Variants in RYR2 observed in about 807,000 individuals in gnomAD.
The protein encoded by RYR2 is cardiac muscle ryanodine receptor-calcium release channel.
Under a neutral mutation model 601.1 loss-of-function variants are expected in RYR2, and 227 were observed. The ratio of observed to expected loss-of-function variants is 0.38; its 90% CI spans 0.34 to 0.42. The LOEUF (loss-of-function observed/expected upper bound fraction) is 0.42, where lower values mean the gene tolerates loss of function less well. Ranked by LOEUF, RYR2 falls within the 10% of genes least tolerant of loss-of-function variation. The probability of loss-of-function intolerance (pLI) is 1.00; values close to 1 mark genes in which losing one functional copy is unlikely to be tolerated. For synonymous variants in RYR2, 2,223 were observed against 2,175.1 expected (o/e 1.02, Z -0.61); for missense variants, 4,646 against 6,156.5 (o/e 0.75, Z 8.21).
chr1:237,150,231 G>A (rs1006209441), intron 1 of RYR2, among the ~76,000 whole-genome samples: 8 of 152,188 alleles, frequency 5.3e-5, no homozygotes, highest in African/African-American at 9.7e-5. Context: ...TCTGACTTCA[G>A]AGGTCACAGT....
Position 237,772,030 on chromosome 1 carries a change from G to A in RYR2, c.11576G>A (p.Arg3859Lys). 1 of 1,538,280 alleles carries A rather than the reference G, an allele frequency of 6.5e-7. No individual in the cohort carries two copies. The change falls in exon 86 of 105, where the codon AGA becomes AAA. Residue 3859 changes from arginine (R) to lysine (K), a missense_variant. By Grantham distance (26) the Arg-to-Lys change is conservative. Coordinates refer to ENST00000366574, the MANE Select transcript of RYR2 (RefSeq NM_001035.3). ...TGCATAGATTTTCAGAATTATCTGA[G>A]AACTCAGACTGGCAATAATACAACT... Reference protein sequence around the residue: ...GHNSDFQNYLRTQTGNNTTVN... With the variant: ...GHNSDFQNYLKTQTGNNTTVN...
intron 1 of RYR2, among the ~76,000 whole-genome samples, chr1:237,237,919 T>TCCCTTTCCCTTTCCCCTTTCCTTTC (rs1558476571): frequency 4.0e-5 from 2 of 49,442 alleles, no homozygotes; most frequent in African/African-American, 9.7e-5. Flanking sequence ...CCTTTCCTTT[T>TCCCTTTCCCTTTCCCCTTTCCTTTC]CCCTTTCCCT....
intron 29 of RYR2, among the ~76,000 whole-genome samples, chr1:237,584,655 T>TGTTTTTTTG (rs1417203265): frequency 1.5e-5 from 2 of 129,608 alleles, no homozygotes; most frequent in Admixed American, 7.9e-5. Flanking sequence ...ACCTGTTTTT[T>TGTTTTTTTG]TTTTTTTTTT....
chr1:237,760,948 A>G lies in RYR2; in HGVS notation c.11403-7A>G, dbSNP rs745345050. On this transcript the variant is annotated splice_region_variant and splice_polypyrimidine_tract_variant and intron_variant, in intron 83 of 104. Coordinates refer to ENST00000366574, the MANE Select transcript of RYR2 (RefSeq NM_001035.3). ...TCTAAATGTTTTTTTTTCCCTTGTT[A>G]TTATAGTGTCCTTGACCTAAATGCA... The G allele has an allele frequency of 6.5e-7, 1 of 1,546,326 alleles. No individual in the cohort carries two copies. The highest frequency in any genetic ancestry group is 2.4e-5 in the East Asian group (1 of 41,802).
At chr1:237,331,030 TA>T in intron 3 of RYR2, 48 bp downstream of exon 3, 1 of 1,428,112 alleles carries the variant, frequency 7.0e-7, no homozygotes, top group South Asian at 1.1e-5. Context: ...TGAGCTCAGC[TA>T]CTATAGGAAC....
At chr1:237,394,489 AAG>A (rs932266904) in intron 10 of RYR2, among the ~76,000 whole-genome samples, 13 of 152,330 alleles carry the variant, frequency 8.5e-5, no homozygotes, top group Non-Finnish European at 1.9e-4. Flanking sequence ...TGTTACTAGG[AAG>A]AGACTCCTGA....
intron 60 of RYR2, among the ~76,000 whole-genome samples, chr1:237,677,316 A>G (rs1250568931): frequency 1.3e-5 from 2 of 152,162 alleles, no homozygotes; most frequent in African/African-American, 2.4e-5. Flanking sequence ...TCGTCTATTA[A>G]TATATGCATG....
At chr1:237,056,530 CTGCGTCTGTGAGGATTGGAGCA>C (rs1558155272) in intron 1 of RYR2, among the ~76,000 whole-genome samples, 2 of 138,322 alleles carry the variant, frequency 1.4e-5, no homozygotes, top group Non-Finnish European at 3.1e-5. Context: ...GACTGGAGCA[CTGCGTCTGTGAGGATTGGAGCA>C]CTGCACCTGT....
chr1:237,200,125 A>G (rs551745863), intron 1 of RYR2, among the ~76,000 whole-genome samples: 1 of 152,334 alleles, frequency 6.6e-6, no homozygotes, highest in Non-Finnish European at 1.5e-5. Context: ...CCAAAATCAC[A>G]TACCCAATAT....
intron 2 of RYR2, among the ~76,000 whole-genome samples, chr1:237,300,715 A>G (rs533366645): frequency 6.6e-6 from 1 of 152,234 alleles, no homozygotes; most frequent in South Asian, 2.1e-4. Context: ...GCAGATAGTG[A>G]TGATGATAGT....
intron 25 of RYR2, among the ~76,000 whole-genome samples, chr1:237,537,484 T>C (rs1668769113): frequency 1.3e-5 from 2 of 152,126 alleles, no homozygotes; most frequent in African/African-American, 4.8e-5. Flanking sequence ...CAGCTAATTT[T>C]TGTATTTTTT....
At chr1:237,535,658 G>C (rs1286440862) in intron 25 of RYR2, among the ~76,000 whole-genome samples, 1 of 152,056 alleles carries the variant, frequency 6.6e-6, no homozygotes, top group Non-Finnish European at 1.5e-5. Context: ...GGAAGTTATA[G>C]TCCATTGCTA....
chr1:237,629,633 A>C (rs1206828578), intron 41 of RYR2, among the ~76,000 whole-genome samples: 1 of 152,072 alleles, frequency 6.6e-6, no homozygotes, highest in Non-Finnish European at 1.5e-5. Context: ...AAAAGAAACA[A>C]TAAAATTGAT....
intron 1 of RYR2, among the ~76,000 whole-genome samples, chr1:237,067,248 C>A (rs1402237145): frequency 6.6e-6 from 1 of 151,952 alleles, no homozygotes; most frequent in Non-Finnish European, 1.5e-5. Context: ...TGAATATTTT[C>A]TCTTATGTTT....
At chr1:237,686,839 G>A (rs1262727268) in intron 62 of RYR2, among the ~76,000 whole-genome samples, 1 of 152,148 alleles carries the variant, frequency 6.6e-6, no homozygotes, top group African/African-American at 2.4e-5. Context: ...TATCACATCT[G>A]TAATGCTTTC....
chr1:237,258,833 T>G (rs2149303429), intron 1 of RYR2, among the ~76,000 whole-genome samples: 1 of 152,294 alleles, frequency 6.6e-6, no homozygotes, highest in African/African-American at 2.4e-5. Context: ...CACTGATGGA[T>G]TTCCTGATTT....
chr1:237,145,377 A>G (rs1204665356), intron 1 of RYR2, among the ~76,000 whole-genome samples: 3 of 152,216 alleles, frequency 2.0e-5, no homozygotes, highest in Admixed American at 2.0e-4. Context: ...ATGTGAATAT[A>G]TAAGCATATA....
At chr1:237,399,241 A>G (rs1197876134) in intron 10 of RYR2, among the ~76,000 whole-genome samples, 4 of 152,136 alleles carry the variant, frequency 2.6e-5, no homozygotes, top group Non-Finnish European at 5.9e-5. Context: ...AACCTCAATG[A>G]ATCTCCAGGC....
intron 1 of RYR2, among the ~76,000 whole-genome samples, chr1:237,047,332 C>T (rs1205064277): frequency 6.6e-6 from 1 of 151,362 alleles, no homozygotes; most frequent in Non-Finnish European, 1.5e-5. Context: ...GTTACAGTCC[C>T]TCACATGGCC....
Sources: gnomAD v4.1 joint callset for allele counts (sites outside exome capture counted in the v4.1 genomes callset) on GRCh38, gnomAD v4.1.1 for gene constraint, MANE v1.5 for transcripts, NCBI Gene and HGNC (gene_info 2026-07-23, HGNC 2026-07-21) for gene names.